The following C19orf38 variants were observed in gnomAD, a reference collection of about 807,000 sequenced individuals.
C19orf38 encodes the protein chromosome 19 open reading frame 38.
C19orf38 carries 14 observed loss-of-function variants against 26.6 expected under a neutral mutation model. The ratio of observed to expected loss-of-function variants is 0.53; its 90% CI spans 0.35 to 0.82. The LOEUF (loss-of-function observed/expected upper bound fraction) is 0.82, where lower values mean the gene tolerates loss of function less well. Ranked by LOEUF, C19orf38 falls within the 40% of genes least tolerant of loss-of-function variation. C19orf38 has a pLI of 0.01. For missense variants in C19orf38, 261 were observed against 299.5 expected (o/e 0.87, Z 0.95); for synonymous variants, 132 against 128.5 (o/e 1.03, Z -0.18).
At position 10,856,305 on chromosome 19, in the gene C19orf38, T is replaced by C; in HGVS notation, c.381T>C (p.Gly127=). 6.4e-7 allele frequency: 1 copy of C among 1,551,372 alleles called. No individual in the cohort carries two copies. The highest frequency in any genetic ancestry group is 8.7e-7 in the Non-Finnish European group (1 of 1,146,698). The change falls in exon 3 of 7, where the codon GGT becomes GGC. Residue 127 remains glycine, a synonymous_variant. Transcript: ENST00000397820. ...WILVLSLSLA[G]ALFLLAGLVA... ...TGGTGCTCTCCCTGAGCCTGGCTGG[T>C]GCCCTCTTCCTCCTTGCTGGGCTGG...
In C19orf38 at chr19:10,865,911, C is replaced by T. The variant is rs189598335; in HGVS notation, c.543+2704C>T. Among the ~76,000 whole-genome samples, 165 of 152,188 alleles carry T rather than the reference C, an allele frequency of 1.1e-3. 1 individual carries two copies. The highest frequency in any genetic ancestry group is 3.7e-3 in the African/African-American group (155 of 41,540). On this transcript the variant is annotated intron_variant, in intron 6 of 6. Coordinates refer to ENST00000397820, the MANE Select transcript of C19orf38 (RefSeq NM_001136482.3). ...CACTGCAGCCTTGATCACCTGGGCT[C>T]AAAAGATCCTCCAGCCTCAGCCTCC... is the stretch of plus-strand genomic sequence containing the variant.
chr19:10,866,085 G>A (rs1463971492), intron 6 of C19orf38, among the ~76,000 whole-genome samples: 1 of 151,370 alleles, frequency 6.6e-6, no homozygotes, highest in Non-Finnish European at 1.5e-5. Context: ...GCCCAGGCTG[G>A]AGTAAAGGGA....
At chr19:10,856,211 TAACCTGGAGAGACG>T in intron 2 of C19orf38, 40 bp from the exon 3 acceptor site, 1 of 1,419,120 alleles carries the variant, frequency 7.0e-7, no homozygotes, top group Admixed American at 2.0e-5. Context: ...TACTCAAAGG[TAACCTGGAGAGACG>T]ACACTGACCT....
At chr19:10,868,046 T>C (rs2073769810) in intron 6 of C19orf38, among the ~76,000 whole-genome samples, 1 of 152,206 alleles carries the variant, frequency 6.6e-6, no homozygotes, top group Non-Finnish European at 1.5e-5. Context: ...TTGGGTTGTT[T>C]CCACCTTTTG....
chr19:10,861,638 C>T (rs566284500), intron 5 of C19orf38, among the ~76,000 whole-genome samples: 8 of 152,122 alleles, frequency 5.3e-5, no homozygotes, highest in African/African-American at 1.9e-4. Context: ...AGTGCAGTGG[C>T]ACGATCTCAG....
chr19:10,845,354 T>G (rs1183809441), upstream of C19orf38, among the ~76,000 whole-genome samples: 1 of 152,092 alleles, frequency 6.6e-6, no homozygotes, highest in Non-Finnish European at 1.5e-5. Flanking sequence ...TTCAAAGTAT[T>G]GAAATTATAT....
chr19:10,841,425 G>A (rs997200403), intron 1 of C19orf38, among the ~76,000 whole-genome samples: 29 of 150,950 alleles, frequency 1.9e-4, no homozygotes, highest in African/African-American at 6.8e-4. Context: ...CAAGGCTGCA[G>A]TGAGCCATGA....
chr19:10,861,184 A>C (rs147377089), intron 5 of C19orf38, among the ~76,000 whole-genome samples: 55 of 152,246 alleles, frequency 3.6e-4, no homozygotes, highest in African/African-American at 1.3e-3. Flanking sequence ...TTAAGTGATC[A>C]TTGGGTGCTT....
chr19:10,848,551 GCCC>G lies in C19orf38; in HGVS notation c.31+16_31+18del. ...GCTCTTTGCAGCTGGTGAGTCTGAAGCCCCCCTCTCAGATCCCCCACGCCTTTC... is the reference window on the plus strand; with the variant it reads ...GCTCTTTGCAGCTGGTGAGTCTGAAGCCCTCTCAGATCCCCCACGCCTTTC... On this transcript the variant is annotated intron_variant, in intron 1 of 6. Coordinates refer to ENST00000397820, the MANE Select transcript of C19orf38 (RefSeq NM_001136482.3). The G allele has an allele frequency of 6.4e-7, 1 of 1,550,820 alleles. No homozygotes were observed. Among genetic ancestry groups the G allele is most frequent in the Admixed American group, 2.0e-5 (1 of 50,920 alleles).
At chr19:10,849,319 T>C (rs1198254689) in intron 1 of C19orf38, among the ~76,000 whole-genome samples, 1 of 152,050 alleles carries the variant, frequency 6.6e-6, no homozygotes, top group South Asian at 2.1e-4. Flanking sequence ...CTGCATCAGG[T>C]GTTTGCTCCT....
At position 10,859,756 on chromosome 19, in the gene C19orf38, G is replaced by C. The variant is rs533425993; in HGVS notation, c.462-159G>C. Among the ~76,000 whole-genome samples the C allele has an allele frequency of 2.0e-5, 3 of 152,184 alleles. No homozygotes were observed. The East Asian group carries it at 5.8e-4, about 29-fold the overall frequency. On this transcript the variant is annotated intron_variant, in intron 4 of 6. Transcript: ENST00000397820. ...CACAGTGTGACAGCTCCAGAAATCA[G>C]GATGTTACTGCTCTTCTGTGGGGAA...
chr19:10,837,715 G>C (rs2073446848), intron 1 of C19orf38, among the ~76,000 whole-genome samples: 2 of 151,750 alleles, frequency 1.3e-5, no homozygotes, highest in Admixed American at 6.6e-5. Context: ...CACCATGTTA[G>C]CCAGGATGGT....
intron 4 of C19orf38, among the ~76,000 whole-genome samples, chr19:10,859,348 G>GTGTATATATATA (rs1218237019): frequency 1.1e-4 from 6 of 55,968 alleles, no homozygotes; most frequent in African/African-American, 1.6e-4. Flanking sequence ...GTGTGTGTGT[G>GTGTATATATATA]TATATATATA....
intron 5 of C19orf38, among the ~76,000 whole-genome samples, chr19:10,860,407 A>C (rs181303500): frequency 6.6e-6 from 1 of 151,222 alleles, no homozygotes; most frequent in Non-Finnish European, 1.5e-5. Context: ...GGTGGCGGAC[A>C]CCTGTAATCC....
intron 3 of C19orf38, 99 bp downstream of exon 3, chr19:10,856,456 G>T (rs1279868474): frequency 9.7e-6 from 9 of 927,264 alleles, no homozygotes; most frequent in South Asian, 4.8e-5. Flanking sequence ...TTGTTTTCAG[G>T]TTCAGTAATT....
chr19:10,869,494 T>C lies in C19orf38; in HGVS notation c.*127T>C. ...GGACAGAGGAAAGGAAGGGGAACCC[T>C]GGCCTTGGGATTTTCATCACAGAGG... is the stretch of plus-strand genomic sequence containing the variant. On this transcript the variant is annotated 3_prime_UTR_variant, in exon 7 of 7. Transcript: ENST00000397820. 7.6e-7 allele frequency: 1 copy of C among 1,307,388 alleles called. No individual in the cohort carries two copies. Among genetic ancestry groups the C allele is most frequent in the Non-Finnish European group, 1.0e-6 (1 of 983,626 alleles). The allele number at this position is 1,307,388 out of a possible 1,614,324, so 81.0% of individuals were successfully genotyped here. A position where few individuals can be genotyped will look rare whatever the true frequency, so the allele number is the denominator to read the frequency against.
At chr19:10,849,145 C>T (rs2073544186) in intron 1 of C19orf38, among the ~76,000 whole-genome samples, 1 of 152,002 alleles carries the variant, frequency 6.6e-6, no homozygotes, top group Admixed American at 6.6e-5. Flanking sequence ...CACCCCCTCC[C>T]TCCTGCCATG....
intron 2 of C19orf38, among the ~76,000 whole-genome samples, chr19:10,850,948 C>T (rs1021218328): frequency 6.6e-6 from 1 of 152,208 alleles, no homozygotes; most frequent in Non-Finnish European, 1.5e-5. Flanking sequence ...AGGAGGTACA[C>T]ACCTTGTACA....
intron 5 of C19orf38, among the ~76,000 whole-genome samples, chr19:10,861,284 C>A (rs1035331156): frequency 3.9e-5 from 6 of 152,238 alleles, no homozygotes; most frequent in African/African-American, 1.4e-4. Flanking sequence ...CCACACTTGC[C>A]TTCCAGAACA....
Sources: gnomAD v4.1 joint callset for allele counts (sites outside exome capture counted in the v4.1 genomes callset) on GRCh38, gnomAD v4.1.1 for gene constraint, MANE v1.5 for transcripts, NCBI Gene and HGNC (gene_info 2026-07-23, HGNC 2026-07-21) for gene names.